The following TLN2 variants were observed in gnomAD, a reference collection of about 807,000 sequenced individuals.
TLN2 encodes talin 2.
Under a neutral mutation model 294.7 loss-of-function variants are expected in TLN2, and 118 were observed. The ratio of observed to expected loss-of-function variants is 0.40; its 90% CI spans 0.34 to 0.47. TLN2 has a LOEUF of 0.47. Among genes scored for constraint, TLN2 ranks in the 20% least tolerant of loss-of-function variants. The pLI, the probability that TLN2 is intolerant of heterozygous loss-of-function variation, is 0.84. For synonymous variants in TLN2, 1,431 were observed against 1,304.5 expected, an observed-to-expected ratio of 1.10 and a Z score of -2.09; for missense variants, 3,083 against 3,282.2, an observed-to-expected ratio of 0.94 and a Z score of 1.48.
In TLN2 at chr15:62,657,813, G is replaced by A. The variant is rs532505276; in HGVS notation, c.703G>A (p.Glu235Lys). The change falls in exon 9 of 59, where the codon GAG becomes AAG. Residue 235 changes from glutamate to lysine, a missense_variant. Coordinates refer to ENST00000636159, the MANE Select transcript of TLN2 (RefSeq NM_015059.3). ...ILNGSHPVSF[E>K]KACEFGGFQA... ...GAATGGCTCTCACCCTGTCTCCTTC[G>A]AGAAAGCTTGTGAGTTTGGTGGATT... 8 of 1,613,828 alleles carry A rather than the reference G, an allele frequency of 5.0e-6. No individual in the cohort carries two copies. The highest frequency in any genetic ancestry group is 2.2e-5 in the East Asian group (1 of 44,854).
intron 19 of TLN2, among the ~76,000 whole-genome samples, chr15:62,706,111 T>A (rs751919455): frequency 1.3e-5 from 2 of 152,274 alleles, no homozygotes; most frequent in Non-Finnish European, 2.9e-5. Context: ...TATCATCTGA[T>A]GAATTAATAA....
chr15:62,718,376 A>C (rs1293590783), intron 24 of TLN2, among the ~76,000 whole-genome samples: 1 of 152,190 alleles, frequency 6.6e-6, no homozygotes, highest in East Asian at 1.9e-4. Context: ...ATTTGCAGCT[A>C]GCTGTGGTGG....
At chr15:62,745,613 C>T (rs940756395) in intron 32 of TLN2, among the ~76,000 whole-genome samples, 2 of 152,254 alleles carry the variant, frequency 1.3e-5, no homozygotes, top group East Asian at 3.9e-4. Context: ...TCACGTAACA[C>T]ATATATTCAT....
chr15:62,436,433 G>A (rs1162438170), intron 1 of TLN2, among the ~76,000 whole-genome samples: 1 of 152,204 alleles, frequency 6.6e-6, no homozygotes, highest in Non-Finnish European at 1.5e-5. Flanking sequence ...TTCCTTGAGG[G>A]AATGTGTCCA....
intron 1 of TLN2, among the ~76,000 whole-genome samples, chr15:62,538,666 G>GAGGCAAAAAGA (rs1239375718): frequency 1.3e-5 from 2 of 152,070 alleles, no homozygotes; most frequent in African/African-American, 4.8e-5. Context: ...CAGTTTCTAG[G>GAGGCAAAAAGA]AGGCAAAAAG....
rs753136074 is a variant in TLN2 at position 62,783,734 on chromosome 15, T to C, written c.5617-37T>C. The C allele has an allele frequency of 1.4e-5, 22 of 1,553,034 alleles. No individual in the cohort carries two copies. In the Admixed American group the frequency reaches 2.4e-4, roughly 17 times the overall value. On this transcript the variant is annotated intron_variant, in intron 44 of 58. Coordinates refer to ENST00000636159, the MANE Select transcript of TLN2 (RefSeq NM_015059.3). ...ATGCGTTTCTCTCTGTGTGTGTGTG[T>C]GTGTGTGTGTGTGTCTTGCTTGTTT... is the stretch of plus-strand genomic sequence containing the variant.
intron 39 of TLN2, 131 bp downstream of exon 39, chr15:62,762,584 C>G (rs114726543): frequency 6.8e-6 from 7 of 1,024,750 alleles, no homozygotes; most frequent in African/African-American, 1.6e-5. Flanking sequence ...TCTTTGGGGC[C>G]GGAAGCACTG....
intron 1 of TLN2, among the ~76,000 whole-genome samples, chr15:62,500,452 A>G (rs2039248242): frequency 6.6e-6 from 1 of 152,348 alleles, no homozygotes; most frequent in East Asian, 1.9e-4. Flanking sequence ...TGCTCAGTAC[A>G]TAGGCATTGT....
chr15:62,772,027 G>A (rs1319890800), intron 42 of TLN2, among the ~76,000 whole-genome samples: 2 of 151,988 alleles, frequency 1.3e-5, no homozygotes, highest in Non-Finnish European at 2.9e-5. Flanking sequence ...TCGTGGCCTC[G>A]TGCCTTCTTC....
At chr15:62,655,543 C>T (rs960423859) in intron 7 of TLN2, among the ~76,000 whole-genome samples, 1 of 152,184 alleles carries the variant, frequency 6.6e-6, no homozygotes. Context: ...ATCTGCCCTC[C>T]ACCCTGCCAC....
Position 62,572,336 on chromosome 15 carries a change from G to A in TLN2, c.-237-17351G>A, listed in dbSNP as rs529093708. ...GCTCACTGTAACCTCGACCTCCTGGGAACAAGTGATCCTTCCACCTCAGCC... is the reference window on the plus strand; with the variant it reads ...GCTCACTGTAACCTCGACCTCCTGGAAACAAGTGATCCTTCCACCTCAGCC... On this transcript the variant is annotated intron_variant, in intron 1 of 58. Coordinates refer to ENST00000636159, the MANE Select transcript of TLN2 (RefSeq NM_015059.3). 4.8e-4 allele frequency among the ~76,000 whole-genome samples: 73 copies of A among 152,148 alleles called. 1 individual carries two copies. Among genetic ancestry groups the A allele is most frequent in the African/African-American group, 1.7e-3 (71 of 41,506 alleles).
chr15:62,647,910 T>C (rs983832583), intron 4 of TLN2, among the ~76,000 whole-genome samples: 1 of 152,156 alleles, frequency 6.6e-6, no homozygotes, highest in African/African-American at 2.4e-5. Flanking sequence ...AAAAAAGACA[T>C]TTGTGATATA....
chr15:62,581,802 G>T (rs1289990598), intron 1 of TLN2, among the ~76,000 whole-genome samples: 1 of 152,064 alleles, frequency 6.6e-6, no homozygotes, highest in African/African-American at 2.4e-5. Flanking sequence ...CCAGCACTTT[G>T]GGAGGCCGAG....
At chr15:62,708,141 A>G (rs1194861304) in intron 20 of TLN2, among the ~76,000 whole-genome samples, 1 of 152,148 alleles carries the variant, frequency 6.6e-6, no homozygotes, top group Non-Finnish European at 1.5e-5. Context: ...TAGTCTTTGT[A>G]TCCCAACTCA....
At chr15:62,768,819 T>C (rs2063178142) in intron 41 of TLN2, among the ~76,000 whole-genome samples, 1 of 152,256 alleles carries the variant, frequency 6.6e-6, no homozygotes, top group Non-Finnish European at 1.5e-5. Flanking sequence ...GAGTACTTCC[T>C]ATTTGGCGGT....
intron 45 of TLN2, among the ~76,000 whole-genome samples, chr15:62,791,120 A>G (rs538042110): frequency 1.3e-5 from 2 of 151,994 alleles, no homozygotes. Flanking sequence ...CTTGAGGTGG[A>G]CGGATCACCT....
At chr15:62,673,583 T>C (rs999810733) in intron 9 of TLN2, among the ~76,000 whole-genome samples, 1 of 151,234 alleles carries the variant, frequency 6.6e-6, no homozygotes, top group Non-Finnish European at 1.5e-5. Context: ...TTTTTTTCAC[T>C]TTACAATAGA....
intron 54 of TLN2, among the ~76,000 whole-genome samples, chr15:62,822,059 T>C (rs2067616452): frequency 6.6e-6 from 1 of 152,200 alleles, no homozygotes; most frequent in African/African-American, 2.4e-5. Context: ...AATTTAACAT[T>C]AACACTTCAC....
intron 57 of TLN2, 76 bp from the exon 58 acceptor site, chr15:62,838,780 G>A (rs2070160853): frequency 3.2e-6 from 5 of 1,563,998 alleles, no homozygotes; most frequent in Non-Finnish European, 2.6e-6. Context: ...CTCACAAACT[G>A]TACCTTCATG....
Sources: gnomAD v4.1 joint callset for allele counts (sites outside exome capture counted in the v4.1 genomes callset) on GRCh38, gnomAD v4.1.1 for gene constraint, MANE v1.5 for transcripts, NCBI Gene and HGNC (gene_info 2026-07-23, HGNC 2026-07-21) for gene names.